Variants in CERS3 observed in about 807,000 individuals in gnomAD.
The protein encoded by CERS3 is ceramide synthase 3.
Under a neutral mutation model 50.3 loss-of-function variants are expected in CERS3, and 33 were observed. That is an observed-to-expected ratio of 0.66 (90% CI 0.50 to 0.88). The LOEUF is 0.88. CERS3 is among the 40% of genes least tolerant of loss of function. The pLI, the probability that CERS3 is intolerant of heterozygous loss-of-function variation, is 0.00. For missense variants in CERS3, 470 were observed against 460.3 expected (o/e 1.02, Z -0.19); for synonymous variants, 176 against 155.2 (o/e 1.13, Z -0.99).
At chr15:100,453,448 C>T (rs965875853) in intron 11 of CERS3, among the ~76,000 whole-genome samples, 14 of 152,286 alleles carry the variant, frequency 9.2e-5, no homozygotes, top group Non-Finnish European at 1.8e-4. Context: ...TAAAATTCAG[C>T]ATCCTTTTAT....
At chr15:100,452,226 C>T (rs1430405903) in intron 11 of CERS3, among the ~76,000 whole-genome samples, 2 of 152,120 alleles carry the variant, frequency 1.3e-5, no homozygotes, top group African/African-American at 4.8e-5. Context: ...TATGTTAGGA[C>T]ATAAAACATG....
chr15:100,494,259 T>TA (rs1567660619), intron 3 of CERS3, among the ~76,000 whole-genome samples: 612 of 16,740 alleles, frequency 0.037, 71 homozygotes, highest in East Asian at 0.083. Context: ...ATATATATAT[T>TA]TGTTTTGAGA....
At chr15:100,480,543 C>T (rs369322132) in intron 5 of CERS3, among the ~76,000 whole-genome samples, 2 of 152,094 alleles carry the variant, frequency 1.3e-5, no homozygotes, top group African/African-American at 2.4e-5. Context: ...AGATTTTCCT[C>T]ATGTATGGAG....
At chr15:100,433,518 C>T (rs2033238517) in intron 11 of CERS3, among the ~76,000 whole-genome samples, 1 of 152,222 alleles carries the variant, frequency 6.6e-6, no homozygotes, top group Non-Finnish European at 1.5e-5. Context: ...AATACAGAGG[C>T]CCAGCCTCCT....
chr15:100,475,359 T>C (rs927150453), intron 8 of CERS3, among the ~76,000 whole-genome samples: 66 of 152,372 alleles, frequency 4.3e-4, no homozygotes, highest in African/African-American at 1.5e-3. Context: ...TTAAATGTCA[T>C]TGTATTTACC....
intron 11 of CERS3, among the ~76,000 whole-genome samples, chr15:100,414,442 T>C (rs1373478745): frequency 6.6e-6 from 1 of 152,012 alleles, no homozygotes; most frequent in Admixed American, 6.6e-5. Context: ...AAATTTCATG[T>C]GGAACCAAAA....
intron 2 of CERS3, among the ~76,000 whole-genome samples, chr15:100,506,713 C>T (rs1456081482): frequency 2.0e-5 from 3 of 152,238 alleles, no homozygotes; most frequent in Admixed American, 6.5e-5. Context: ...ATTCCATTTA[C>T]GTGAAATGTC....
Position 100,411,348 on chromosome 15 carries a change from G to C in CERS3, c.1000-8483C>G, listed in dbSNP as rs151172931. Among the ~76,000 whole-genome samples the C allele has an allele frequency of 3.9e-3, 594 of 152,132 alleles. 5 individuals are homozygous for C. Among genetic ancestry groups the C allele is most frequent in the African/African-American group, 0.012 (518 of 41,506 alleles). On this transcript the variant is annotated intron_variant, in intron 11 of 11. Transcript: ENST00000679737. Reference sequence around the variant, plus strand: ...GGCTAATTTTTGTATTTTTAGTAGAGACGGGGTTTCACCATGTTGGCCAGG... The same window carrying C: ...GGCTAATTTTTGTATTTTTAGTAGACACGGGGTTTCACCATGTTGGCCAGG...
chr15:100,504,247 T>C (rs2036103809), intron 2 of CERS3, among the ~76,000 whole-genome samples: 3 of 149,178 alleles, frequency 2.0e-5, no homozygotes, highest in African/African-American at 7.4e-5. Context: ...TTCTTTTTTT[T>C]TTTTTTTTTT....
At chr15:100,447,070 T>A (rs2033971335) in intron 11 of CERS3, among the ~76,000 whole-genome samples, 1 of 152,252 alleles carries the variant, frequency 6.6e-6, no homozygotes, top group Non-Finnish European at 1.5e-5. Flanking sequence ...CTGTCTCTTG[T>A]GGAGCAAACC....
chr15:100,431,389 GA>G (rs1278045377), intron 11 of CERS3, among the ~76,000 whole-genome samples: 1 of 151,922 alleles, frequency 6.6e-6, no homozygotes, highest in Non-Finnish European at 1.5e-5. Flanking sequence ...GCTATTTAAA[GA>G]ATTCTGTTTT....
At chr15:100,489,889 G>A (rs2035600871) in intron 4 of CERS3, among the ~76,000 whole-genome samples, 1 of 152,186 alleles carries the variant, frequency 6.6e-6, no homozygotes. Context: ...CTCACGCGAG[G>A]TGGTCAAACC....
intron 11 of CERS3, among the ~76,000 whole-genome samples, chr15:100,415,754 C>T (rs1172568505): frequency 6.6e-6 from 1 of 151,642 alleles, no homozygotes; most frequent in Non-Finnish European, 1.5e-5. Flanking sequence ...AACACACGGA[C>T]ATAGGGAGGT....
At chr15:100,414,129 G>C (rs1238388388) in intron 11 of CERS3, among the ~76,000 whole-genome samples, 1 of 151,914 alleles carries the variant, frequency 6.6e-6, no homozygotes, top group Non-Finnish European at 1.5e-5. Context: ...AAACCTGACA[G>C]AAACACCAGA....
chr15:100,487,151 T>C (rs1253535088), intron 4 of CERS3, among the ~76,000 whole-genome samples: 1 of 152,224 alleles, frequency 6.6e-6, no homozygotes, highest in African/African-American at 2.4e-5. Flanking sequence ...CCATCTGTAA[T>C]GACCAGAAAA....
chr15:100,502,520 C>T (rs1567667092), intron 2 of CERS3, among the ~76,000 whole-genome samples: 1 of 152,168 alleles, frequency 6.6e-6, no homozygotes, highest in Non-Finnish European at 1.5e-5. Flanking sequence ...ACAACTTTAA[C>T]ATGCCAAAAG....
At position 100,448,543 on chromosome 15, in the gene CERS3, T is replaced by C. The variant is rs554473166; in HGVS notation, c.999+7350A>G. ...GAGTTGACACAAAAGCATTGCTCCA[T>C]AGAAGGAGCTCATACGAGGTCCCAC... On this transcript the variant is annotated intron_variant, in intron 11 of 11. Coordinates refer to ENST00000679737, the MANE Select transcript of CERS3 (RefSeq NM_001378789.1). 2.6e-5 allele frequency among the ~76,000 whole-genome samples: 4 copies of C among 152,256 alleles called. No homozygotes were observed. The East Asian group carries it at 7.7e-4, about 29-fold the overall frequency.
At chr15:100,484,432 G>A in intron 5 of CERS3, 118 bp downstream of exon 5, 2 of 687,610 alleles carry the variant, frequency 2.9e-6, no homozygotes, top group South Asian at 3.4e-5. Context: ...CCACATCAGT[G>A]GGTGACAGAG....
chr15:100,532,902 G>A (rs117829030), upstream of CERS3, among the ~76,000 whole-genome samples: 3,759 of 152,128 alleles, frequency 0.025, 71 homozygotes, highest in East Asian at 0.077. Flanking sequence ...TACCTACCCC[G>A]CTCAAATGTG....
Sources: gnomAD v4.1 joint callset for allele counts (sites outside exome capture counted in the v4.1 genomes callset) on GRCh38, gnomAD v4.1.1 for gene constraint, MANE v1.5 for transcripts, NCBI Gene and HGNC (gene_info 2026-07-23, HGNC 2026-07-21) for gene names.